PAK2: variants seen among roughly 807,000 people sequenced by gnomAD.
PAK2 encodes serine/threonine-protein kinase PAK 2.
In PAK2, 21 loss-of-function variants were observed where a neutral mutation model predicts 65.9. That is an observed-to-expected ratio of 0.32 (90% CI 0.23 to 0.46). The LOEUF (loss-of-function observed/expected upper bound fraction) is 0.46, where lower values mean the gene tolerates loss of function less well. PAK2 is among the 20% of genes least tolerant of loss of function. The probability of loss-of-function intolerance (pLI) is 1.00; values close to 1 mark genes in which losing one functional copy is unlikely to be tolerated. For missense variants in PAK2, 324 were observed against 642.6 expected (o/e 0.50, Z 5.36); for synonymous variants, 204 against 219.7 (o/e 0.93, Z 0.63).
rs894536404 is a variant in PAK2, at chr3:196,830,135, T to C, written c.*1730T>C. The C allele has an allele frequency of 1.3e-5, 2 of 152,160 alleles. No homozygotes were observed. Among genetic ancestry groups the C allele is most frequent in the Admixed American group, 6.6e-5 (1 of 15,262 alleles). The allele number at this position is 152,160 out of a possible 1,614,324, so 9.4% of individuals were successfully genotyped here. A position where few individuals can be genotyped will look rare whatever the true frequency, so the allele number is the denominator to read the frequency against. ...ATTGGAGAAACTGGCAGGTTTTATT[T>C]CCATTATTTTATTTCCACTATATCT... is the stretch of plus-strand genomic sequence containing the variant. On this transcript the variant is annotated 3_prime_UTR_variant, in exon 15 of 15. Coordinates refer to ENST00000327134, the MANE Select transcript of PAK2 (RefSeq NM_002577.4).
At chr3:196,760,964 C>G (rs1350068452) in intron 1 of PAK2, among the ~76,000 whole-genome samples, 3 of 152,058 alleles carry the variant, frequency 2.0e-5, no homozygotes, top group Non-Finnish European at 4.4e-5. Flanking sequence ...GGGCTGAGCA[C>G]AGTGGCTCAA....
chr3:196,750,968 C>T (rs1713560709), intron 1 of PAK2, among the ~76,000 whole-genome samples: 1 of 152,208 alleles, frequency 6.6e-6, no homozygotes, highest in Non-Finnish European at 1.5e-5. Flanking sequence ...ACTTTCCCTA[C>T]CATCTGTCTT....
intron 1 of PAK2, among the ~76,000 whole-genome samples, chr3:196,775,918 T>G (rs2108733878): frequency 6.6e-6 from 1 of 152,332 alleles, no homozygotes; most frequent in South Asian, 2.1e-4. Flanking sequence ...TAGCTGTTGC[T>G]TATTTGTTCT....
Position 196,782,950 on chromosome 3 carries a change from A to C in PAK2, c.187+117A>C, listed in dbSNP as rs113503788. On this transcript the variant is annotated intron_variant, in intron 2 of 14. Coordinates refer to ENST00000327134, the MANE Select transcript of PAK2 (RefSeq NM_002577.4). ...CAGATCATGAAAACAATCGGTGCTA[A>C]TATACAGGCACTATTAAAAAGACTA... The C allele has an allele frequency of 3.7e-3, 2,121 of 566,054 alleles. 36 individuals carry two copies. Among genetic ancestry groups the C allele is most frequent in the African/African-American group, 0.037 (1,941 of 52,446 alleles). 35.1% of individuals were successfully genotyped at this position (566,054 alleles called of 1,614,324 possible). A position where few individuals can be genotyped will look rare whatever the true frequency, so the allele number is the denominator to read the frequency against.
At chr3:196,799,519 G>A (rs1256546180) in intron 2 of PAK2, among the ~76,000 whole-genome samples, 2 of 152,152 alleles carry the variant, frequency 1.3e-5, no homozygotes, top group Non-Finnish European at 2.9e-5. Flanking sequence ...AGCCAGTTTG[G>A]CCCTCTCCTG....
rs1267255623 is a variant in PAK2, at chr3:196,831,161, T to TA, written c.*2757dup. 1.3e-5 allele frequency: 2 copies of TA among 152,248 alleles called. No individual in the cohort carries two copies. Among genetic ancestry groups the TA allele is most frequent in the Admixed American group, 6.5e-5 (1 of 15,282 alleles). The allele number at this position is 152,248 out of a possible 1,614,324, so 9.4% of individuals were successfully genotyped here. On this transcript the variant is annotated 3_prime_UTR_variant, in exon 15 of 15. Coordinates refer to ENST00000327134, the MANE Select transcript of PAK2 (RefSeq NM_002577.4). ...CCTTGGCCTCCCAAAGTGCTGCAGT[T>TA]ACAGGCGTGAGCCACTGCACCTGGC...
intron 1 of PAK2, among the ~76,000 whole-genome samples, chr3:196,773,478 A>G (rs1312702863): frequency 6.6e-6 from 1 of 152,186 alleles, no homozygotes; most frequent in African/African-American, 2.4e-5. Flanking sequence ...TGGAAAAGAG[A>G]ACTGAAGGTC....
chr3:196,740,165 CACACAGGCCGGCCGGCGCGGG>C lies in PAK2; in HGVS notation c.-22+11_-22+31del, dbSNP rs1022292754. Reference sequence around the variant, plus strand: ...GACCTTGCCTTGCCCGGGGTAAGTGCACACAGGCCGGCCGGCGCGGGACGCAGGCCGGGTCTCTTCCTCCTC... The same window carrying C: ...GACCTTGCCTTGCCCGGGGTAAGTGCACGCAGGCCGGGTCTCTTCCTCCTC... On this transcript the variant is annotated intron_variant, in intron 1 of 14. Transcript: ENST00000327134. 2.6e-5 allele frequency: 4 copies of C among 152,164 alleles called. No homozygotes were observed. The highest frequency in any genetic ancestry group is 5.9e-5 in the Non-Finnish European group (4 of 68,102). The allele number at this position is 152,164 out of a possible 1,614,324, so 9.4% of individuals were successfully genotyped here. A position where few individuals can be genotyped will look rare whatever the true frequency, so the allele number is the denominator to read the frequency against.
In PAK2 at chr3:196,814,559, A is replaced by T. The variant is rs1004209842; in HGVS notation, c.1044A>T (p.Val348=). Residue 348 remains valine (V), a synonymous_variant, in exon 11 of 15, where the codon GTA becomes GTT. Transcript: ENST00000327134. Reference sequence around the variant, plus strand: ...TGGATGAAGCACAGATTGCTGCTGTATGCAGAGAGGTAGGTTTGCCTCCTT... The same window carrying T: ...TGGATGAAGCACAGATTGCTGCTGTTTGCAGAGAGGTAGGTTTGCCTCCTT... The part of the protein sequence containing the change: ...TCMDEAQIAA[V]CRECLQALEF... 11 of 1,341,704 alleles carry T rather than the reference A, an allele frequency of 8.2e-6. No homozygotes were observed. Among genetic ancestry groups the T allele is most frequent in the Non-Finnish European group, 1.2e-5 (11 of 936,466 alleles). The allele number at this position is 1,341,704 out of a possible 1,614,324, so 83.1% of individuals were successfully genotyped here. A position where few individuals can be genotyped will look rare whatever the true frequency, so the allele number is the denominator to read the frequency against.
chr3:196,740,078 C>T lies in PAK2; in HGVS notation c.-101C>T, dbSNP rs1356436779. On this transcript the variant is annotated 5_prime_UTR_variant, in exon 1 of 15. Coordinates refer to ENST00000327134, the MANE Select transcript of PAK2 (RefSeq NM_002577.4). Reference sequence around the variant, plus strand: ...TCCCCTCCCCTCCCCGCACCGCGCGCTAGCCCGGGGCGGCTCCGCAGCCCG... The same window carrying T: ...TCCCCTCCCCTCCCCGCACCGCGCGTTAGCCCGGGGCGGCTCCGCAGCCCG... 6.6e-6 allele frequency: 1 copy of T among 151,924 alleles called. No individual in the cohort carries two copies. The highest frequency in any genetic ancestry group is 1.5e-5 in the Non-Finnish European group (1 of 67,922). 9.4% of individuals were successfully genotyped at this position (151,924 alleles called of 1,614,324 possible). A position where few individuals can be genotyped will look rare whatever the true frequency, so the allele number is the denominator to read the frequency against.
intron 1 of PAK2, among the ~76,000 whole-genome samples, chr3:196,757,477 A>G (rs1713806621): frequency 6.6e-6 from 1 of 152,180 alleles, no homozygotes; most frequent in African/African-American, 2.4e-5. Context: ...AAATATCAAA[A>G]GCAGGTATCT....
At chr3:196,793,778 A>G (rs1167831661) in intron 2 of PAK2, among the ~76,000 whole-genome samples, 1 of 152,236 alleles carries the variant, frequency 6.6e-6, no homozygotes, top group Non-Finnish European at 1.5e-5. Context: ...GAATATCAAC[A>G]TTTAAAATTA....
At chr3:196,808,551 CCATCTCAA>C (rs1285843537) in intron 7 of PAK2, among the ~76,000 whole-genome samples, 3 of 64,122 alleles carry the variant, frequency 4.7e-5, no homozygotes, top group Non-Finnish European at 9.2e-5. Context: ...CAGTGAGACT[CCATCTCAA>C]AAAAAAAAAA....
intron 7 of PAK2, among the ~76,000 whole-genome samples, chr3:196,808,267 A>C (rs1286774102): frequency 6.6e-6 from 1 of 151,992 alleles, no homozygotes; most frequent in Non-Finnish European, 1.5e-5. Context: ...CAGTGAGCCA[A>C]GATTGCGTCG....
At chr3:196,790,473 C>T (rs979349715) in intron 2 of PAK2, among the ~76,000 whole-genome samples, 10 of 152,144 alleles carry the variant, frequency 6.6e-5, no homozygotes, top group African/African-American at 2.4e-4. Context: ...TACTTCCCAT[C>T]AAGTGATCTG....
chr3:196,815,564 A>G (rs1577745177), intron 11 of PAK2, among the ~76,000 whole-genome samples: 2 of 151,772 alleles, frequency 1.3e-5, no homozygotes, highest in South Asian at 2.1e-4. Flanking sequence ...CGAGGCGGGC[A>G]GATCATGAGG....
chr3:196,788,492 T>G (rs1714968402), intron 2 of PAK2, among the ~76,000 whole-genome samples: 1 of 152,224 alleles, frequency 6.6e-6, no homozygotes, highest in Non-Finnish European at 1.5e-5. Context: ...TCGTGCCGTT[T>G]TAAGGCAACT....
chr3:196,825,361 A>T (rs575765559), intron 13 of PAK2, among the ~76,000 whole-genome samples: 116 of 145,810 alleles, frequency 8.0e-4, no homozygotes, highest in Non-Finnish European at 1.6e-3. Context: ...AAAAATAAAT[A>T]GGCCAGATGC....
intron 2 of PAK2, among the ~76,000 whole-genome samples, chr3:196,789,955 C>T (rs1715017093): frequency 6.6e-6 from 1 of 152,174 alleles, no homozygotes; most frequent in South Asian, 2.1e-4. Flanking sequence ...GGAGGTGGCG[C>T]TCAGGCGGTG....
Sources: gnomAD v4.1 joint callset for allele counts (sites outside exome capture counted in the v4.1 genomes callset) on GRCh38, gnomAD v4.1.1 for gene constraint, MANE v1.5 for transcripts, NCBI Gene and HGNC (gene_info 2026-07-23, HGNC 2026-07-21) for gene names.